Variants in SYT9 observed in about 807,000 individuals in gnomAD.
SYT9 encodes synaptotagmin-9.
SYT9 carries 22 observed loss-of-function variants against 48.4 expected under a neutral mutation model. The observed-to-expected ratio is 0.45, with a 90% confidence interval of 0.32 to 0.65. The LOEUF (loss-of-function observed/expected upper bound fraction) is 0.65. Among genes scored for constraint, SYT9 ranks in the 30% least tolerant of loss-of-function variants. The pLI, the probability that SYT9 is intolerant of heterozygous loss-of-function variation, is 0.03. For synonymous variants in SYT9, 265 were observed against 245.0 expected (o/e 1.08, Z -0.76); for missense variants, 577 against 622.0 (o/e 0.93, Z 0.77).
intron 3 of SYT9, among the ~76,000 whole-genome samples, chr11:7,412,352 G>C (rs769340963): frequency 5.3e-5 from 8 of 152,180 alleles, no homozygotes; most frequent in Non-Finnish European, 1.2e-4. Context: ...ACTCTTCTCT[G>C]AAGATTATCT....
intron 3 of SYT9, among the ~76,000 whole-genome samples, chr11:7,415,118 T>G (rs1847216654): frequency 6.6e-6 from 1 of 152,060 alleles, no homozygotes; most frequent in South Asian, 2.1e-4. Context: ...TGGGGAGTCT[T>G]TAGAGGCACG....
At chr11:7,274,554 G>A (rs1276028064) in intron 1 of SYT9, among the ~76,000 whole-genome samples, 2 of 152,266 alleles carry the variant, frequency 1.3e-5, no homozygotes, top group East Asian at 3.9e-4. Context: ...CTGACCTCAC[G>A]TGATCCACCC....
At chr11:7,290,472 G>T (rs183968852) in intron 1 of SYT9, among the ~76,000 whole-genome samples, 4 of 152,238 alleles carry the variant, frequency 2.6e-5, no homozygotes, top group African/African-American at 9.6e-5. Context: ...CTCTGCCTGC[G>T]TGGAGTCTTA....
intron 3 of SYT9, among the ~76,000 whole-genome samples, chr11:7,317,748 C>G (rs750771053): frequency 6.6e-6 from 1 of 152,190 alleles, no homozygotes; most frequent in Non-Finnish European, 1.5e-5. Context: ...GCACTGTATG[C>G]TCTGTCCTAT....
Position 7,313,407 on chromosome 11 carries a change from C to T in SYT9, c.510C>T (p.Ile170=), listed in dbSNP as rs1246034250. ...CTCTTCATTCAAGGCATAATTCAATCCGAAGACAACTCAACTTGTCAAACC... is the reference window on the plus strand; with the variant it reads ...CTCTTCATTCAAGGCATAATTCAATTCGAAGACAACTCAACTTGTCAAACC... ...EPTSSARHNS[I]RRQLNLSNPD... The change falls in exon 3 of 7, where the codon ATC becomes ATT. Residue 170 remains isoleucine, a synonymous_variant. Transcript: ENST00000318881. 3.1e-6 allele frequency: 5 copies of T among 1,610,310 alleles called. No individual in the cohort carries two copies. Among genetic ancestry groups the T allele is most frequent in the Admixed American group, 1.7e-5 (1 of 59,490 alleles).
rs572223129 is a variant in SYT9, at chr11:7,428,739, G to A, written c.1467+8104G>A. On this transcript the variant is annotated intron_variant, in intron 6 of 6. Coordinates refer to ENST00000318881, the MANE Select transcript of SYT9 (RefSeq NM_175733.4). Reference sequence around the variant, plus strand: ...GTCTCATTTGTTGAGACTTTGAAGTGTGGTTTAAGGTGGGTCTCTCCATGT... The same window carrying A: ...GTCTCATTTGTTGAGACTTTGAAGTATGGTTTAAGGTGGGTCTCTCCATGT... 2.0e-5 allele frequency among the ~76,000 whole-genome samples: 3 copies of A among 152,344 alleles called. No individual in the cohort carries two copies. The East Asian group carries it at 5.8e-4, about 29-fold the overall frequency.
chr11:7,325,042 A>T (rs1381732533), intron 3 of SYT9, among the ~76,000 whole-genome samples: 1 of 152,142 alleles, frequency 6.6e-6, no homozygotes, highest in African/African-American at 2.4e-5. Flanking sequence ...GGTCTTTTCA[A>T]CATTTTGTTA....
chr11:7,357,846 A>T (rs1468628418), intron 3 of SYT9, among the ~76,000 whole-genome samples: 1 of 152,084 alleles, frequency 6.6e-6, no homozygotes, highest in Non-Finnish European at 1.5e-5. Context: ...CATTGCATTT[A>T]TATATTAATT....
intron 3 of SYT9, among the ~76,000 whole-genome samples, chr11:7,401,124 C>A (rs1846882792): frequency 6.6e-6 from 1 of 151,978 alleles, no homozygotes; most frequent in South Asian, 2.1e-4. Context: ...ACAGGAATAT[C>A]TGAGGTAATG....
chr11:7,296,565 C>T (rs1452772154), intron 1 of SYT9, among the ~76,000 whole-genome samples: 1 of 152,206 alleles, frequency 6.6e-6, no homozygotes, highest in Non-Finnish European at 1.5e-5. Context: ...CTCTCCTCTT[C>T]TTCCTCCTTC....
At chr11:7,342,043 A>G (rs1451010527) in intron 3 of SYT9, among the ~76,000 whole-genome samples, 2 of 152,150 alleles carry the variant, frequency 1.3e-5, no homozygotes, top group Non-Finnish European at 2.9e-5. Context: ...AGTATAAGGA[A>G]AACTGCCCCC....
rs1849829046 is a variant in SYT9, at chr11:7,347,677, AG to A, written c.1044+33738del. Among the ~76,000 whole-genome samples the A allele has an allele frequency of 3.9e-5, 6 of 152,276 alleles. No homozygotes were observed. In the South Asian group the frequency reaches 1.2e-3, roughly 32 times the overall value. Reference sequence around the variant, plus strand: ...TGCTTCTACTTGTGCCTAGAGGAAAAGGTTTCCTCTTGTTTCACAACAGCCT... The same window carrying A: ...TGCTTCTACTTGTGCCTAGAGGAAAAGTTTCCTCTTGTTTCACAACAGCCT... On this transcript the variant is annotated intron_variant, in intron 3 of 6. Transcript: ENST00000318881.
chr11:7,420,945 G>A (rs892463991), intron 6 of SYT9, among the ~76,000 whole-genome samples: 1 of 152,172 alleles, frequency 6.6e-6, no homozygotes, highest in African/African-American at 2.4e-5. Flanking sequence ...CAAGGTGTGG[G>A]TGAGTGGGGA....
At chr11:7,253,502 A>G (rs1448226436) in intron 1 of SYT9, among the ~76,000 whole-genome samples, 1 of 152,240 alleles carries the variant, frequency 6.6e-6, no homozygotes, top group Non-Finnish European at 1.5e-5. Context: ...TATCCTTGAT[A>G]TATTCAAGAT....
chr11:7,293,258 C>T (rs1473893588), intron 1 of SYT9, among the ~76,000 whole-genome samples: 1 of 152,144 alleles, frequency 6.6e-6, no homozygotes, highest in Non-Finnish European at 1.5e-5. Flanking sequence ...GATGTTCTTC[C>T]CTCTGTGTCA....
At chr11:7,462,853 A>G (rs1031723832) in intron 6 of SYT9, among the ~76,000 whole-genome samples, 5 of 152,148 alleles carry the variant, frequency 3.3e-5, no homozygotes, top group Non-Finnish European at 2.9e-5. Context: ...GAGAGATATT[A>G]TCTAATGTTT....
At chr11:7,408,172 A>G (rs1342066707) in intron 3 of SYT9, among the ~76,000 whole-genome samples, 1 of 152,200 alleles carries the variant, frequency 6.6e-6, no homozygotes, top group Non-Finnish European at 1.5e-5. Context: ...TCTGTTGCCC[A>G]GGCTGGAGTG....
At chr11:7,410,123 G>GT (rs1158080439) in intron 3 of SYT9, among the ~76,000 whole-genome samples, 2 of 152,120 alleles carry the variant, frequency 1.3e-5, no homozygotes, top group Non-Finnish European at 2.9e-5. Flanking sequence ...TCAGAAGCAT[G>GT]TTTTTTAATT....
intron 3 of SYT9, among the ~76,000 whole-genome samples, chr11:7,410,215 G>A (rs1420312597): frequency 6.6e-6 from 1 of 152,134 alleles, no homozygotes; most frequent in East Asian, 1.9e-4. Context: ...TACTTGATAT[G>A]ATTTTGATTT....
Sources: gnomAD v4.1 joint callset for allele counts (sites outside exome capture counted in the v4.1 genomes callset) on GRCh38, gnomAD v4.1.1 for gene constraint, MANE v1.5 for transcripts, NCBI Gene and HGNC (gene_info 2026-07-23, HGNC 2026-07-21) for gene names.